UBR2: variants seen among roughly 807,000 people sequenced by gnomAD.
UBR2 encodes the protein E3 ubiquitin-protein ligase UBR2.
UBR2 carries 92 observed loss-of-function variants against 247.9 expected under a neutral mutation model. That is an observed-to-expected ratio of 0.37 (90% CI 0.31 to 0.44). UBR2 has a LOEUF of 0.44. Among genes scored for constraint, UBR2 ranks in the 20% least tolerant of loss-of-function variants. UBR2 has a pLI of 1.00. For synonymous variants in UBR2, 672 were observed against 693.5 expected, an observed-to-expected ratio of 0.97 and a Z score of 0.49; for missense variants, 1,613 against 2,112.6, an observed-to-expected ratio of 0.76 and a Z score of 4.64.
At chr6:42,623,649 A>C (rs1295271296) in intron 11 of UBR2, among the ~76,000 whole-genome samples, 1 of 152,022 alleles carries the variant, frequency 6.6e-6, no homozygotes, top group Non-Finnish European at 1.5e-5. Flanking sequence ...ACGGGGTTTC[A>C]CCACGTTGGT....
At position 42,640,237 on chromosome 6, in the gene UBR2, A is replaced by T; in HGVS notation, c.1887A>T (p.Glu629Asp). 1 of 1,607,918 alleles carries T rather than the reference A, an allele frequency of 6.2e-7. No homozygotes were observed. Among genetic ancestry groups the T allele is most frequent in the Non-Finnish European group, 8.5e-7 (1 of 1,178,064 alleles). Residue 629 changes from glutamate to aspartate, a missense_variant, in exon 16 of 47, where the codon GAA becomes GAT. This residue lies in a region of UBR2 where 1,524 missense variants were observed against 1,967.3 expected (regional missense o/e 0.77). Transcript: ENST00000372901. The stretch of plus-strand genomic sequence containing the variant: ...TACATGTATTATTAAGCAAAAGTGA[A>T]GTGGCATATAAATTTCCAGAGCTCC... Reference protein sequence around the residue: ...AGLHVLLSKSEVAYKFPELLP... With the variant: ...AGLHVLLSKSDVAYKFPELLP...
At chr6:42,663,529 A>G in intron 32 of UBR2, 110 bp downstream of exon 32, 2 of 1,146,968 alleles carry the variant, frequency 1.7e-6, no homozygotes, top group Non-Finnish European at 2.4e-6. Context: ...AGTGTTTTCC[A>G]GATACTTTCC....
At chr6:42,601,612 C>T (rs1009275666) in intron 4 of UBR2, among the ~76,000 whole-genome samples, 2 of 147,206 alleles carry the variant, frequency 1.4e-5, no homozygotes, top group Non-Finnish European at 3.0e-5. Flanking sequence ...CGCTTGAACC[C>T]GGGAGGCGGA....
chr6:42,570,801 A>G (rs1188335299), intron 1 of UBR2, among the ~76,000 whole-genome samples: 1 of 151,820 alleles, frequency 6.6e-6, no homozygotes, highest in Admixed American at 6.6e-5. Flanking sequence ...CTCCCACCTC[A>G]GCCTCCTGAG....
chr6:42,675,918 T>C (rs1014908099), intron 38 of UBR2, 138 bp from the exon 39 acceptor site: 2 of 1,208,884 alleles, frequency 1.7e-6, no homozygotes, highest in South Asian at 3.7e-5. Flanking sequence ...GGTTGCGCCA[T>C]TGCACTCCAG....
rs1797595323 is a variant in UBR2 at position 42,658,806 on chromosome 6, C to T, written c.3224C>T (p.Ser1075Phe). ...ACATTAGAACTGGATGCCTCAACCT[C>T]TGCTGTTCTTGATCATAGGTAAAAA... ...QQTLELDASTSAVLDHSPVAS... is the reference protein window; with the variant it reads ...QQTLELDASTFAVLDHSPVAS... The change falls in exon 29 of 47, where the codon TCT becomes TTT. Residue 1075 changes from serine to phenylalanine, a missense_variant. Ser to Phe is a radical substitution (Grantham distance 155, BLOSUM62 -2). Transcript: ENST00000372901. The T allele has an allele frequency of 6.4e-7, 1 of 1,565,196 alleles. No homozygotes were observed.
chr6:42,623,868 A>T (rs1795161897), intron 11 of UBR2, among the ~76,000 whole-genome samples: 1 of 151,804 alleles, frequency 6.6e-6, no homozygotes, highest in African/African-American at 2.4e-5. Flanking sequence ...AGGTTATTTA[A>T]TTTTTTTTCA....
chr6:42,628,663 C>T (rs543333514), intron 11 of UBR2, among the ~76,000 whole-genome samples: 1 of 144,900 alleles, frequency 6.9e-6, no homozygotes, highest in East Asian at 2.0e-4. Context: ...GTGGAGGTTG[C>T]AGTGAGCCAA....
chr6:42,658,141 T>A lies in UBR2; in HGVS notation c.2982+8T>A. ...ATTCGGTGGATATTGAAGGTAAAATTTCCACATTCCTCTGCTTTTTGTGAG... is the reference window on the plus strand; with the variant it reads ...ATTCGGTGGATATTGAAGGTAAAATATCCACATTCCTCTGCTTTTTGTGAG... On this transcript the variant is annotated splice_region_variant and intron_variant, in intron 27 of 46. Transcript: ENST00000372901. 2 of 1,613,116 alleles carry A rather than the reference T, an allele frequency of 1.2e-6. No homozygotes were observed. The highest frequency in any genetic ancestry group is 1.7e-6 in the Non-Finnish European group (2 of 1,179,262).
At chr6:42,634,354 G>A in intron 13 of UBR2, 1 of 276,324 alleles carries the variant, frequency 3.6e-6, no homozygotes, top group Non-Finnish European at 7.2e-6. Flanking sequence ...ATCTGAGCAA[G>A]TACTATTATG....
chr6:42,584,602 T>C (rs1217704745), intron 2 of UBR2, among the ~76,000 whole-genome samples: 2 of 152,238 alleles, frequency 1.3e-5, no homozygotes, highest in African/African-American at 2.4e-5. Flanking sequence ...TAGATTAGTT[T>C]GGGGTTAATT....
At chr6:42,638,584 G>T (rs972838055) in intron 15 of UBR2, among the ~76,000 whole-genome samples, 7 of 151,982 alleles carry the variant, frequency 4.6e-5, no homozygotes, top group African/African-American at 1.2e-4. Flanking sequence ...ACTTGTTCAG[G>T]CCCAGTTTTG....
intron 23 of UBR2, among the ~76,000 whole-genome samples, chr6:42,651,643 A>G (rs909934360): frequency 3.9e-5 from 6 of 151,976 alleles, no homozygotes; most frequent in Non-Finnish European, 8.8e-5. Flanking sequence ...GGTGTGTGCC[A>G]CCACGCCCAG....
At chr6:42,626,489 A>G (rs543089681) in intron 11 of UBR2, among the ~76,000 whole-genome samples, 3 of 152,312 alleles carry the variant, frequency 2.0e-5, no homozygotes, top group Admixed American at 2.0e-4. Flanking sequence ...TGCTGTCCTC[A>G]GTTGCCTTCG....
intron 44 of UBR2, among the ~76,000 whole-genome samples, chr6:42,687,528 T>TTTTATTTA (rs36075254): frequency 0.033 from 4,947 of 149,222 alleles, 129 homozygotes; most frequent in Non-Finnish European, 0.049. Context: ...TTGTATTTTA[T>TTTTATTTA]TTTATTTATT....
At chr6:42,614,272 G>A (rs1215167884) in intron 8 of UBR2, among the ~76,000 whole-genome samples, 2 of 132,706 alleles carry the variant, frequency 1.5e-5, no homozygotes, top group African/African-American at 2.8e-5. Context: ...ACACACACAC[G>A]TACATATATA....
intron 46 of UBR2, among the ~76,000 whole-genome samples, chr6:42,690,384 G>A (rs1265664194): frequency 6.6e-6 from 1 of 152,212 alleles, no homozygotes; most frequent in Admixed American, 6.5e-5. Context: ...CTCAGCGTGG[G>A]CTGTTAGGAG....
intron 1 of UBR2, among the ~76,000 whole-genome samples, chr6:42,569,096 C>G (rs557039272): frequency 1.3e-5 from 2 of 152,248 alleles, no homozygotes; most frequent in African/African-American, 4.8e-5. Flanking sequence ...GTTGTTTCTA[C>G]TTTTTGGGTA....
At chr6:42,622,803 C>T (rs1318872150) in intron 11 of UBR2, among the ~76,000 whole-genome samples, 1 of 151,008 alleles carries the variant, frequency 6.6e-6, no homozygotes, top group Non-Finnish European at 1.5e-5. Flanking sequence ...TGTATCCAGC[C>T]ACTTTTTCCA....
Sources: allele counts gnomAD v4.1 joint callset (sites outside exome capture counted in the v4.1 genomes callset), GRCh38; gene constraint gnomAD v4.1.1; regional missense constraint gnomAD v4.1.1; transcripts MANE v1.5; gene names NCBI Gene and HGNC (gene_info 2026-07-23, HGNC 2026-07-21).